FHDC1: variants seen among roughly 807,000 people sequenced by gnomAD.
FHDC1 encodes FH2 domain containing 1.
Under a neutral mutation model 52.6 loss-of-function variants are expected in FHDC1, and 25 were observed. That is an observed-to-expected ratio of 0.48 (90% confidence interval 0.35 to 0.66). The LOEUF (loss-of-function observed/expected upper bound fraction) is 0.66. Ranked by LOEUF, FHDC1 falls within the 30% of genes least tolerant of loss-of-function variation. The pLI, the probability that FHDC1 is intolerant of heterozygous loss-of-function variation, is 0.01. For synonymous variants in FHDC1, 616 were observed against 581.5 expected, an observed-to-expected ratio of 1.06 and a Z score of -0.85; for missense variants, 1,459 against 1,452.8, an observed-to-expected ratio of 1.00 and a Z score of -0.07.
chr4:152,966,711 C>T (rs1740467228), intron 9 of FHDC1, among the ~76,000 whole-genome samples: 1 of 152,182 alleles, frequency 6.6e-6, no homozygotes, highest in Non-Finnish European at 1.5e-5. Flanking sequence ...ATCTGCCCGC[C>T]CCACCCTCTC....
intron 4 of FHDC1, among the ~76,000 whole-genome samples, chr4:152,959,909 C>T (rs1292207832): frequency 6.6e-6 from 1 of 150,792 alleles, no homozygotes; most frequent in African/African-American, 2.4e-5. Flanking sequence ...CACAGTACAA[C>T]TCTTCTGCCA....
rs367588756 is a variant in FHDC1, at chr4:152,975,030, G to A, written c.1739G>A (p.Arg580Gln). 2.6e-5 allele frequency: 42 copies of A among 1,612,530 alleles called. No homozygotes were observed. The African/African-American group carries it at 3.7e-4, about 14-fold the overall frequency. The change falls in exon 12 of 12, where the codon CGG (arginine) becomes CAG (glutamine). Residue 580 changes from arginine (R) to glutamine (Q), a missense_variant. Physicochemically the swap from Arg to Gln is conservative, Grantham distance 43 (BLOSUM62 1). This residue lies in a region of FHDC1 where 939 missense variants were observed against 854.5 expected (regional missense o/e 1.10). Transcript: ENST00000511601. Reference sequence around the variant, plus strand: ...CCCCGGAGCAGCCCCCGGCAGGCCCGGCCCACGATAGCCTGCCTGGAGCCT... The same window carrying A: ...CCCCGGAGCAGCCCCCGGCAGGCCCAGCCCACGATAGCCTGCCTGGAGCCT... ...SLPRSSPRQARPTIACLEPAE... is the reference protein window; with the variant it reads ...SLPRSSPRQAQPTIACLEPAE...
upstream of FHDC1, among the ~76,000 whole-genome samples, chr4:152,933,117 T>C (rs1416073664): frequency 6.6e-6 from 1 of 152,090 alleles, no homozygotes; most frequent in Non-Finnish European, 1.5e-5. Context: ...TTGGCCTGGT[T>C]GGAAAAGTGA....
intron 10 of FHDC1, among the ~76,000 whole-genome samples, chr4:152,970,134 G>A (rs1431332598): frequency 6.6e-6 from 1 of 152,208 alleles, no homozygotes; most frequent in Non-Finnish European, 1.5e-5. Context: ...TATGCCATAA[G>A]AAGTGGGGAA....
intron 10 of FHDC1, among the ~76,000 whole-genome samples, chr4:152,971,124 C>A (rs991007431): frequency 1.3e-5 from 2 of 152,146 alleles, no homozygotes; most frequent in Non-Finnish European, 2.9e-5. Flanking sequence ...AATCCCAGCA[C>A]TTAGGGAGGC....
chr4:152,975,047 C>A lies in FHDC1; in HGVS notation c.1756C>A (p.Leu586Met). 6.2e-7 allele frequency: 1 copy of A among 1,612,524 alleles called. No homozygotes were observed. The highest frequency in any genetic ancestry group is 8.5e-7 in the Non-Finnish European group (1 of 1,179,724). Reference sequence around the variant, plus strand: ...GCAGGCCCGGCCCACGATAGCCTGCCTGGAGCCTGCAGAAGTGAGGCACCA... The same window carrying A: ...GCAGGCCCGGCCCACGATAGCCTGCATGGAGCCTGCAGAAGTGAGGCACCA... ...PRQARPTIACLEPAEVRHQDS... is the reference protein window; with the variant it reads ...PRQARPTIACMEPAEVRHQDS... Residue 586 changes from leucine to methionine, a missense_variant, in exon 12 of 12, where the codon CTG (leucine) becomes ATG (methionine). Around this residue, in one of 3 missense-constraint regions of FHDC1, gnomAD observed 939 missense variants for 854.5 expected, o/e 1.10. Coordinates refer to ENST00000511601, the MANE Select transcript of FHDC1 (RefSeq NM_001371116.1).
In FHDC1 at chr4:152,975,780, G is replaced by GGGA. The variant is rs750559922; in HGVS notation, c.2492_2494dup (p.Glu831dup). The GGGA allele has an allele frequency of 6.4e-7, 1 of 1,553,776 alleles. No homozygotes were observed. Among genetic ancestry groups the GGGA allele is most frequent in the Non-Finnish European group, 8.7e-7 (1 of 1,148,736 alleles). ...TCCAACCCTACATCCAGCCCCCCTG[G>GGGA]GGAGGCTCCTGCCCCCGTCTCTGTG... On this transcript the variant is annotated inframe_insertion, in exon 12 of 12. Transcript: ENST00000511601.
intron 8 of FHDC1, among the ~76,000 whole-genome samples, chr4:152,963,790 T>TG (rs1740367624): frequency 2.1e-5 from 3 of 142,060 alleles, no homozygotes; most frequent in African/African-American, 8.0e-5. Flanking sequence ...TTTTTTTTTT[T>TG]TTTTTTTTTT....
At chr4:152,959,846 C>G (rs1182568363) in intron 4 of FHDC1, among the ~76,000 whole-genome samples, 2 of 152,102 alleles carry the variant, frequency 1.3e-5, no homozygotes, top group Non-Finnish European at 2.9e-5. Flanking sequence ...ATTGCCTAGT[C>G]TTTTCAGGCT....
the FHDC1 span, chr4:152,927,718 T>G: frequency 6.6e-7 from 1 of 1,504,874 alleles, no homozygotes; most frequent in Non-Finnish European, 9.2e-7. Context: ...ACTTCCTTGA[T>G]GAGGTTTCTC....
the FHDC1 span, chr4:152,917,138 A>G: frequency 6.6e-6 from 1 of 152,196 alleles, no homozygotes; most frequent in Non-Finnish European, 1.5e-5. Context: ...AGCTATTTGA[A>G]AGTTCAAGGG....
chr4:152,941,112 A>G (rs182880512), intron 1 of FHDC1, among the ~76,000 whole-genome samples: 10 of 152,366 alleles, frequency 6.6e-5, no homozygotes, highest in Admixed American at 6.5e-5. Flanking sequence ...TTTTTAAAGT[A>G]TCCAATTAAT....
At chr4:152,938,319 G>A (rs115181814) in intron 1 of FHDC1, among the ~76,000 whole-genome samples, 2 of 151,812 alleles carry the variant, frequency 1.3e-5, no homozygotes, top group African/African-American at 4.8e-5. Context: ...TTGTGCTGCA[G>A]ATTGAAGGCG....
At chr4:152,940,244 C>T (rs190632531) in intron 1 of FHDC1, among the ~76,000 whole-genome samples, 2 of 152,288 alleles carry the variant, frequency 1.3e-5, no homozygotes, top group Non-Finnish European at 2.9e-5. Context: ...TCATTGCTGG[C>T]GAACCTATTC....
At chr4:152,963,374 A>C (rs188215985) in intron 8 of FHDC1, among the ~76,000 whole-genome samples, 1 of 152,188 alleles carries the variant, frequency 6.6e-6, no homozygotes, top group Admixed American at 6.5e-5. Flanking sequence ...TGAAGGATTT[A>C]AGTGTCAAAG....
intron 4 of FHDC1, among the ~76,000 whole-genome samples, chr4:152,956,631 AC>A (rs1561208037): frequency 1.3e-5 from 2 of 152,034 alleles, no homozygotes; most frequent in Non-Finnish European, 2.9e-5. Flanking sequence ...AGACTCTGTC[AC>A]CCCCAGTTAG....
At chr4:152,971,572 ATC>A (rs1197249704) in intron 10 of FHDC1, among the ~76,000 whole-genome samples, 1 of 152,174 alleles carries the variant, frequency 6.6e-6, no homozygotes, top group East Asian at 1.9e-4. Flanking sequence ...CTTTCTTCCC[ATC>A]TCTGTGTTGA....
chr4:152,979,102 G>A lies in FHDC1; in HGVS notation c.*2379G>A, dbSNP rs1338731973. 6.6e-6 allele frequency: 1 copy of A among 152,200 alleles called. No individual in the cohort carries two copies. Among genetic ancestry groups the A allele is most frequent in the African/African-American group, 2.4e-5 (1 of 41,438 alleles). The allele number at this position is 152,200 out of a possible 1,614,324, so 9.4% of individuals were successfully genotyped here. A position where few individuals can be genotyped will look rare whatever the true frequency, so the allele number is the denominator to read the frequency against. The stretch of plus-strand genomic sequence containing the variant: ...TTTGTGGATTTGTGGATAGCAGAGG[G>A]ATCGGGACCTCTTGGAGGAACCCTG... On this transcript the variant is annotated 3_prime_UTR_variant, in exon 12 of 12. Coordinates refer to ENST00000511601, the MANE Select transcript of FHDC1 (RefSeq NM_001371116.1).
Position 152,960,803 on chromosome 4 carries a change from C to T in FHDC1, c.809C>T (p.Ser270Phe). The T allele has an allele frequency of 6.2e-7, 1 of 1,612,266 alleles. No individual in the cohort carries two copies. Among genetic ancestry groups the T allele is most frequent in the Non-Finnish European group, 8.5e-7 (1 of 1,179,642 alleles). Residue 270 changes from serine to phenylalanine, a missense_variant, in exon 6 of 12, where the codon TCT becomes TTT. Coordinates refer to ENST00000511601, the MANE Select transcript of FHDC1 (RefSeq NM_001371116.1). Reference sequence around the variant, plus strand: ...AAGGAATTTCTACCTTCTTGCTCTTCTCTATATACAGATATAACAGTTTTA... The same window carrying T: ...AAGGAATTTCTACCTTCTTGCTCTTTTCTATATACAGATATAACAGTTTTA... ...LKKEFLPSCS[S>F]LYTDITVLRT...
Sources: gnomAD v4.1 joint callset for allele counts (sites outside exome capture counted in the v4.1 genomes callset) on GRCh38, gnomAD v4.1.1 for gene constraint, gnomAD v4.1.1 regional missense constraint, MANE v1.5 for transcripts, NCBI Gene and HGNC (gene_info 2026-07-23, HGNC 2026-07-21) for gene names.